TMEM132D: variants seen among roughly 807,000 people sequenced by gnomAD.
TMEM132D encodes transmembrane protein 132D.
Under a neutral mutation model 62.3 loss-of-function variants are expected in TMEM132D, and 21 were observed. The observed-to-expected ratio is 0.34, with a 90% CI of 0.24 to 0.49. The LOEUF (loss-of-function observed/expected upper bound fraction) is 0.49. Ranked by LOEUF, TMEM132D falls within the 20% of genes least tolerant of loss-of-function variation. TMEM132D has a pLI of 0.99. For synonymous variants in TMEM132D, 621 were observed against 575.6 expected, an observed-to-expected ratio of 1.08 and a Z score of -1.13; for missense variants, 1,346 against 1,402.8, an observed-to-expected ratio of 0.96 and a Z score of 0.65.
intron 3 of TMEM132D, among the ~76,000 whole-genome samples, chr12:129,456,172 T>C (rs932147606): frequency 2.6e-5 from 4 of 152,194 alleles, no homozygotes; most frequent in African/African-American, 9.7e-5. Context: ...TGTGTATATA[T>C]TACTCTCCCC....
chr12:129,229,893 T>C (rs780148153), intron 4 of TMEM132D, among the ~76,000 whole-genome samples: 2 of 152,166 alleles, frequency 1.3e-5, no homozygotes, highest in Middle Eastern at 3.2e-3. Flanking sequence ...TCCCAAATAG[T>C]GTAAAACCCA....
intron 1 of TMEM132D, among the ~76,000 whole-genome samples, chr12:129,833,624 CA>C (rs1325330116): frequency 6.6e-6 from 1 of 151,784 alleles, no homozygotes; most frequent in Admixed American, 6.6e-5. Flanking sequence ...GACCCTATCT[CA>C]AAAAAACAAA....
intron 3 of TMEM132D, among the ~76,000 whole-genome samples, chr12:129,398,425 C>A (rs1279496929): frequency 6.6e-6 from 1 of 152,204 alleles, no homozygotes; most frequent in African/African-American, 2.4e-5. Flanking sequence ...CTGGGGCTCA[C>A]TTCTTGTATG....
intron 2 of TMEM132D, among the ~76,000 whole-genome samples, chr12:129,624,099 T>C (rs1879150358): frequency 1.3e-5 from 2 of 152,196 alleles, no homozygotes; most frequent in African/African-American, 4.8e-5. Flanking sequence ...TTGTTTATCT[T>C]GTGTTGCTGG....
chr12:129,829,676 G>A lies in TMEM132D; in HGVS notation c.79+73585C>T, dbSNP rs149678741. On this transcript the variant is annotated intron_variant, in intron 1 of 8. Transcript: ENST00000422113. Reference sequence around the variant, plus strand: ...AATGCCAGGACTAAGTCTCAGGTGCGAACTGAGATGAGGCTGGAAAGCTTC... The same window carrying A: ...AATGCCAGGACTAAGTCTCAGGTGCAAACTGAGATGAGGCTGGAAAGCTTC... Among the ~76,000 whole-genome samples the A allele has an allele frequency of 5.6e-3, 857 of 152,210 alleles. 4 individuals carry two copies. The highest frequency in any genetic ancestry group is 0.014 in the South Asian group (66 of 4,820).
chr12:129,490,423 CTTTTTTTTTT>C (rs11311745), intron 3 of TMEM132D, among the ~76,000 whole-genome samples: 1 of 58,552 alleles, frequency 1.7e-5, no homozygotes, highest in Non-Finnish European at 2.9e-5. Flanking sequence ...ATTTCCTTTC[CTTTTTTTTTT>C]TTTTTTTTTT....
intron 2 of TMEM132D, among the ~76,000 whole-genome samples, chr12:129,660,035 T>A (rs1234318635): frequency 6.6e-6 from 1 of 152,016 alleles, no homozygotes; most frequent in Admixed American, 6.5e-5. Flanking sequence ...TGGTTTTGAG[T>A]CACCATCTCT....
chr12:129,113,005 A>T (rs1231669798), intron 5 of TMEM132D: 1 of 152,212 alleles, frequency 6.6e-6, no homozygotes, highest in African/African-American at 2.4e-5. Flanking sequence ...GTAATGATGT[A>T]TTAATTGACA....
chr12:129,439,903 C>T (rs1872892231), intron 3 of TMEM132D, among the ~76,000 whole-genome samples: 1 of 152,110 alleles, frequency 6.6e-6, no homozygotes, highest in South Asian at 2.1e-4. Context: ...GCGAAAGTGA[C>T]GTATGGCATC....
intron 3 of TMEM132D, among the ~76,000 whole-genome samples, chr12:129,388,427 A>G (rs542597443): frequency 8.3e-6 from 1 of 120,008 alleles, no homozygotes; most frequent in Non-Finnish European, 2.0e-5. Context: ...AGCAACACCA[A>G]TACTAACACC....
chr12:129,567,019 C>T (rs1382768646), intron 2 of TMEM132D, among the ~76,000 whole-genome samples: 1 of 152,204 alleles, frequency 6.6e-6, no homozygotes, highest in African/African-American at 2.4e-5. Flanking sequence ...TCATGTCTCC[C>T]TAAAACGTAT....
At chr12:129,352,608 A>G (rs1184891162) in intron 3 of TMEM132D, among the ~76,000 whole-genome samples, 7 of 152,230 alleles carry the variant, frequency 4.6e-5, no homozygotes, top group Non-Finnish European at 7.3e-5. Context: ...AAGGATATGA[A>G]CAGACCCTTC....
chr12:129,261,669 C>T (rs540566104), intron 4 of TMEM132D, among the ~76,000 whole-genome samples: 40 of 152,216 alleles, frequency 2.6e-4, no homozygotes, highest in African/African-American at 8.7e-4. Context: ...GTGTTTCTTT[C>T]CTGTGAGGCC....
intron 1 of TMEM132D, among the ~76,000 whole-genome samples, chr12:129,859,239 A>G (rs930028768): frequency 6.6e-6 from 1 of 152,224 alleles, no homozygotes; most frequent in Non-Finnish European, 1.5e-5. Flanking sequence ...ACTGTGGTCG[A>G]GAACCATAGA....
chr12:129,558,334 G>T (rs1877119298), intron 2 of TMEM132D, among the ~76,000 whole-genome samples: 1 of 152,194 alleles, frequency 6.6e-6, no homozygotes, highest in Non-Finnish European at 1.5e-5. Flanking sequence ...ACTTCATGTG[G>T]TCAGGGAAGG....
chr12:129,710,958 C>T (rs1220005819), intron 1 of TMEM132D, among the ~76,000 whole-genome samples: 2 of 151,484 alleles, frequency 1.3e-5, no homozygotes, highest in Non-Finnish European at 2.9e-5. Flanking sequence ...TGTTTAGCCT[C>T]GGTGTGCACG....
intron 4 of TMEM132D, among the ~76,000 whole-genome samples, chr12:129,239,306 C>T (rs140800815): frequency 8.2e-4 from 125 of 152,138 alleles, no homozygotes; most frequent in South Asian, 2.9e-3. Context: ...AAAGCTTTTT[C>T]GTTATGTTTC....
intron 5 of TMEM132D, among the ~76,000 whole-genome samples, chr12:129,151,933 A>T (rs1206107731): frequency 7.0e-6 from 1 of 143,596 alleles, no homozygotes; most frequent in Non-Finnish European, 1.5e-5. Flanking sequence ...GCTGGAGTGC[A>T]GTGGTGCAAT....
At chr12:129,826,117 T>G (rs1872655278) in intron 1 of TMEM132D, among the ~76,000 whole-genome samples, 1 of 152,156 alleles carries the variant, frequency 6.6e-6, no homozygotes, top group African/African-American at 2.4e-5. Flanking sequence ...TCCTGAGACT[T>G]GCTGCATCCC....
Sources: allele counts gnomAD v4.1 joint callset (sites outside exome capture counted in the v4.1 genomes callset), GRCh38; gene constraint gnomAD v4.1.1; transcripts MANE v1.5; gene names NCBI Gene and HGNC (gene_info 2026-07-23, HGNC 2026-07-21).